ILRUN: variants seen among roughly 807,000 people sequenced by gnomAD.
The protein encoded by ILRUN is inflammation and lipid regulator with UBA-like and NBR1-like domains, also known as protein ILRUN.
ILRUN carries 3 observed loss-of-function variants against 33.8 expected under a neutral mutation model. That is an observed-to-expected ratio of 0.09 (90% CI 0.04 to 0.23). The LOEUF (loss-of-function observed/expected upper bound fraction) is 0.23. ILRUN is among the 10% of genes least tolerant of loss of function. The pLI is 1.00. For synonymous variants in ILRUN, 124 were observed against 138.9 expected (o/e 0.89, Z 0.75); for missense variants, 210 against 375.1 (o/e 0.56, Z 3.64).
intron 1 of ILRUN, among the ~76,000 whole-genome samples, chr6:34,687,737 T>C (rs1430882758): frequency 6.8e-6 from 1 of 147,792 alleles, no homozygotes; most frequent in African/African-American, 2.5e-5. Flanking sequence ...TTATAAAATA[T>C]ATATTCCATT....
intron 3 of ILRUN, among the ~76,000 whole-genome samples, chr6:34,637,864 C>CTGCTGCTGTTGCTGTTGTTGT (rs749114775): frequency 7.0e-6 from 1 of 141,930 alleles, no homozygotes; most frequent in African/African-American, 2.7e-5. Flanking sequence ...GCTGCTGCTG[C>CTGCTGCTGTTGCTGTTGTTGT]TGTTGTTGTT....
intron 2 of ILRUN, among the ~76,000 whole-genome samples, chr6:34,647,992 C>A (rs921632292): frequency 1.3e-5 from 2 of 152,332 alleles, no homozygotes; most frequent in East Asian, 3.9e-4. Flanking sequence ...AGCCATGGCG[C>A]CCAGCCGGTA....
At chr6:34,659,914 C>T (rs1007605099) in intron 1 of ILRUN, among the ~76,000 whole-genome samples, 4 of 151,752 alleles carry the variant, frequency 2.6e-5, no homozygotes, top group Non-Finnish European at 5.9e-5. Flanking sequence ...ACCCACCACG[C>T]CCGGCCCATA....
In ILRUN at chr6:34,646,817, A is replaced by G; in HGVS notation, c.314-19T>C. On this transcript the variant is annotated intron_variant, in intron 2 of 4. Transcript: ENST00000374023. The surrounding 1 kb of genome is among the most constrained non-coding windows in gnomAD (Gnocchi z 4.9). ...TCTGCCCCTGAGTTCAAGCAAAAGA[A>G]AAAAATGTTAGGCAATCAATGGTCC... 1 of 1,612,180 alleles carries G rather than the reference A, an allele frequency of 6.2e-7. No homozygotes were observed. The highest frequency in any genetic ancestry group is 1.3e-5 in the African/African-American group (1 of 75,038).
chr6:34,629,529 TG>T (rs1194396253), intron 3 of ILRUN, among the ~76,000 whole-genome samples: 12 of 152,220 alleles, frequency 7.9e-5, no homozygotes, highest in Admixed American at 6.5e-4. Context: ...AGAAATCATA[TG>T]TAATTCCTAC....
At position 34,686,740 on chromosome 6, in the gene ILRUN, G is replaced by A. The variant is rs546921086; in HGVS notation, c.158+9706C>T. On this transcript the variant is annotated intron_variant, in intron 1 of 4. Transcript: ENST00000374023. ...TCCCAGCACTTTGGGAGGCAGAGGCGGGCGGATCACGAGGTCAGGAGATCG... is the reference window on the plus strand; with the variant it reads ...TCCCAGCACTTTGGGAGGCAGAGGCAGGCGGATCACGAGGTCAGGAGATCG... 22 of 197,026 alleles carry A rather than the reference G, an allele frequency of 1.1e-4. 1 individual carries two copies. The East Asian group carries it at 2.1e-3, about 18-fold the overall frequency. 12.2% of individuals were successfully genotyped at this position (197,026 alleles called of 1,614,324 possible).
chr6:34,602,820 C>T (rs1561997521), intron 4 of ILRUN, among the ~76,000 whole-genome samples: 6 of 152,254 alleles, frequency 3.9e-5, no homozygotes, highest in East Asian at 1.9e-4. Flanking sequence ...AGCCCCTTTG[C>T]GTTGTGGGAT....
chr6:34,628,504 T>C (rs1342063768), intron 3 of ILRUN, among the ~76,000 whole-genome samples: 1 of 152,000 alleles, frequency 6.6e-6, no homozygotes, highest in African/African-American at 2.4e-5. Flanking sequence ...GGCTAATTTT[T>C]TGTAATTTTA....
intron 3 of ILRUN, among the ~76,000 whole-genome samples, chr6:34,622,511 C>A (rs1762031426): frequency 6.6e-6 from 1 of 151,636 alleles, no homozygotes; most frequent in Non-Finnish European, 1.5e-5. Context: ...CAATGAGATA[C>A]CACCTCACAC....
At position 34,646,882 on chromosome 6, in the gene ILRUN, CTCTT is replaced by C. The variant is rs1158876665; in HGVS notation, c.314-88_314-85del. The C allele has an allele frequency of 3.9e-6, 5 of 1,286,928 alleles. No individual in the cohort carries two copies. Among genetic ancestry groups the C allele is most frequent in the Admixed American group, 1.8e-5 (1 of 55,718 alleles). The allele number at this position is 1,286,928 out of a possible 1,614,324, so 79.7% of individuals were successfully genotyped here. A position where few individuals can be genotyped will look rare whatever the true frequency, so the allele number is the denominator to read the frequency against. On this transcript the variant is annotated intron_variant, in intron 2 of 4. Transcript: ENST00000374023. The surrounding 1 kb of genome is among the most constrained non-coding windows in gnomAD (Gnocchi z 4.9). The stretch of plus-strand genomic sequence containing the variant: ...TTTATTATGAAACTGTAGAAGAGGC[CTCTT>C]TCTTTTTCTCACATACATACATAAA...
intron 3 of ILRUN, among the ~76,000 whole-genome samples, chr6:34,608,102 A>C (rs1761671348): frequency 6.6e-6 from 1 of 152,048 alleles, no homozygotes; most frequent in African/African-American, 2.4e-5. Flanking sequence ...TAAAAAAAAA[A>C]AAAAATTACA....
chr6:34,683,487 C>CAT (rs1229592329), intron 1 of ILRUN, among the ~76,000 whole-genome samples: 133 of 81,864 alleles, frequency 1.6e-3, no homozygotes, highest in African/African-American at 3.9e-3. Flanking sequence ...TATATATATA[C>CAT]ATATATATAT....
intron 1 of ILRUN, among the ~76,000 whole-genome samples, chr6:34,672,739 C>T (rs1032638360): frequency 1.3e-5 from 2 of 151,718 alleles, no homozygotes; most frequent in Non-Finnish European, 2.9e-5. Context: ...AATTACAGAA[C>T]CAGACCAGAA....
intron 1 of ILRUN, among the ~76,000 whole-genome samples, chr6:34,673,276 C>T (rs1446529482): frequency 6.6e-6 from 1 of 152,166 alleles, no homozygotes; most frequent in Non-Finnish European, 1.5e-5. Context: ...GGGGTGAGAT[C>T]TGTGCAGACC....
chr6:34,612,609 C>T (rs899721564), intron 3 of ILRUN, among the ~76,000 whole-genome samples: 15 of 152,006 alleles, frequency 9.9e-5, no homozygotes, highest in South Asian at 4.1e-4. Flanking sequence ...TAATCTTGGA[C>T]GATAAGTATA....
intron 4 of ILRUN, among the ~76,000 whole-genome samples, chr6:34,596,976 C>A (rs903922909): frequency 3.3e-5 from 5 of 152,124 alleles, no homozygotes; most frequent in Non-Finnish European, 5.9e-5. Context: ...ATCCCTCCAT[C>A]CTTCCTCTAT....
At chr6:34,667,815 A>G (rs905755285) in intron 1 of ILRUN, among the ~76,000 whole-genome samples, 3 of 152,194 alleles carry the variant, frequency 2.0e-5, no homozygotes, top group African/African-American at 7.2e-5. Flanking sequence ...ATGTCATAGA[A>G]TACCCACAAA....
Position 34,676,826 on chromosome 6 carries a change from A to T in ILRUN, c.158+19620T>A, listed in dbSNP as rs115191020. ...ATAAATCTACCTGGTAAAGATAAAA[A>T]CATAATTATCCAAAATCAGGCTTTC... On this transcript the variant is annotated intron_variant, in intron 1 of 4. Coordinates refer to ENST00000374023, the MANE Select transcript of ILRUN (RefSeq NM_024294.4). Among the ~76,000 whole-genome samples the T allele has an allele frequency of 4.2e-3, 645 of 152,274 alleles. 5 individuals carry two copies. Among genetic ancestry groups the T allele is most frequent in the African/African-American group, 0.014 (602 of 41,552 alleles).
chr6:34,632,576 T>G (rs1762270341), intron 3 of ILRUN, among the ~76,000 whole-genome samples: 1 of 145,898 alleles, frequency 6.9e-6, no homozygotes, highest in African/African-American at 2.6e-5. Context: ...TTTTTTGAGA[T>G]GGAGTCTCGC....
Sources: gnomAD v4.1 joint callset for allele counts (sites outside exome capture counted in the v4.1 genomes callset) on GRCh38, gnomAD v4.1.1 for gene constraint, Gnocchi (gnomAD v3.1) non-coding constraint, MANE v1.5 for transcripts, NCBI Gene and HGNC (gene_info 2026-07-23, HGNC 2026-07-21) for gene names.